FRK: variants seen among roughly 807,000 people sequenced by gnomAD.
FRK encodes the protein tyrosine-protein kinase FRK.
In FRK, 51 loss-of-function variants were observed where a neutral mutation model predicts 56.4. The observed-to-expected ratio is 0.90, with a 90% CI of 0.72 to 1.14. FRK has a LOEUF of 1.14. Among genes scored for constraint, FRK ranks in the 50% most tolerant of loss-of-function variants. The pLI is 0.00. For missense variants in FRK, 570 were observed against 601.4 expected, an observed-to-expected ratio of 0.95 and a Z score of 0.55; for synonymous variants, 245 against 217.9, an observed-to-expected ratio of 1.12 and a Z score of -1.10.
intron 2 of FRK, among the ~76,000 whole-genome samples, chr6:115,982,579 C>A (rs1033711261): frequency 2.0e-5 from 3 of 152,070 alleles, no homozygotes; most frequent in African/African-American, 7.2e-5. Context: ...TTAGTTACAG[C>A]CTGCACTTTG....
intron 4 of FRK, among the ~76,000 whole-genome samples, chr6:115,958,103 T>C (rs1773083316): frequency 6.6e-6 from 1 of 152,180 alleles, no homozygotes; most frequent in African/African-American, 2.4e-5. Context: ...CTCCATCAAT[T>C]CCATCTCTAC....
chr6:116,022,178 A>T (rs1302781628), intron 1 of FRK, among the ~76,000 whole-genome samples: 1 of 152,128 alleles, frequency 6.6e-6, no homozygotes, highest in Admixed American at 6.5e-5. Flanking sequence ...TTCATAATTT[A>T]AAACCTTCGC....
chr6:116,003,862 A>T lies in FRK; in HGVS notation c.466+15T>A. On this transcript the variant is annotated intron_variant, in intron 2 of 7. Coordinates refer to ENST00000606080, the MANE Select transcript of FRK (RefSeq NM_002031.3). ...TCTCAAGCTCATATTGAATGACACA[A>T]AACAATACCCTTACCTGAAAGAGAG... 1 of 1,613,114 alleles carries T rather than the reference A, an allele frequency of 6.2e-7. No individual in the cohort carries two copies. Among genetic ancestry groups the T allele is most frequent in the Non-Finnish European group, 8.5e-7 (1 of 1,179,750 alleles).
chr6:115,995,208 T>C (rs185310946), intron 2 of FRK, among the ~76,000 whole-genome samples: 2 of 152,274 alleles, frequency 1.3e-5, no homozygotes, highest in Non-Finnish European at 2.9e-5. Flanking sequence ...TGATTCTGCA[T>C]CTCTTATGTA....
At chr6:116,074,841 C>T in the FRK span, among the ~76,000 whole-genome samples, 1 of 152,088 alleles carries the variant, frequency 6.6e-6, no homozygotes. Context: ...TGAGGGGCTG[C>T]CCTTAGTTTT....
chr6:116,072,808 C>T, the FRK span, among the ~76,000 whole-genome samples: 3 of 152,032 alleles, frequency 2.0e-5, no homozygotes, highest in African/African-American at 7.2e-5. Flanking sequence ...AACTGATAAC[C>T]TAGATAAGGT....
the FRK span, among the ~76,000 whole-genome samples, chr6:116,094,974 A>G: frequency 1.3e-5 from 2 of 152,280 alleles, no homozygotes; most frequent in Non-Finnish European, 2.9e-5. Context: ...TTTAAAACCT[A>G]TAATTGATAA....
chr6:116,078,996 G>A, the FRK span, among the ~76,000 whole-genome samples: 1 of 152,056 alleles, frequency 6.6e-6, no homozygotes, highest in Non-Finnish European at 1.5e-5. Context: ...GTAACTTTGT[G>A]TGGATATTCT....
At chr6:115,950,475 T>C (rs1009071833) in intron 5 of FRK, among the ~76,000 whole-genome samples, 4 of 152,208 alleles carry the variant, frequency 2.6e-5, no homozygotes, top group South Asian at 2.1e-4. Flanking sequence ...TGAGATAGCA[T>C]GTCATGTCAG....
chr6:116,071,588 G>A, the FRK span, among the ~76,000 whole-genome samples: 508 of 152,236 alleles, frequency 3.3e-3, 2 homozygotes, highest in Non-Finnish European at 4.2e-3. Context: ...CAGCTAGTCT[G>A]TCAGTGCTTT....
intron 2 of FRK, among the ~76,000 whole-genome samples, chr6:115,994,158 T>C (rs1380275380): frequency 2.6e-5 from 4 of 152,082 alleles, no homozygotes; most frequent in African/African-American, 9.7e-5. Flanking sequence ...GACTTTAGTA[T>C]GCTTTGTCAA....
chr6:116,033,233 T>C, intron 1 of FRK, among the ~76,000 whole-genome samples: 1 of 152,110 alleles, frequency 6.6e-6, no homozygotes, highest in East Asian at 1.9e-4. Context: ...TTCAAATATC[T>C]AAGTAAGAAT....
chr6:115,967,835 G>GT (rs1773648409), intron 3 of FRK, 116 bp from the exon 4 acceptor site: 1 of 783,388 alleles, frequency 1.3e-6, no homozygotes. Flanking sequence ...ACAAAATATT[G>GT]TAAACTGTAT....
intron 1 of FRK, chr6:116,039,389 G>A: frequency 7.7e-6 from 12 of 1,557,872 alleles, no homozygotes; most frequent in Non-Finnish European, 1.1e-5. Context: ...TCTGTGATGG[G>A]GGCAACCTGC....
chr6:115,952,885 A>T (rs1342056016), intron 5 of FRK, among the ~76,000 whole-genome samples: 1 of 134,438 alleles, frequency 7.4e-6, no homozygotes, highest in African/African-American at 2.8e-5. Flanking sequence ...GAACACATGG[A>T]CACAAGAAGG....
At chr6:116,034,293 T>C (rs903657904) in intron 1 of FRK, among the ~76,000 whole-genome samples, 1 of 152,174 alleles carries the variant, frequency 6.6e-6, no homozygotes, top group Admixed American at 6.6e-5. Context: ...TTTGAGGTGA[T>C]GGATATCCCA....
chr6:115,988,573 T>C (rs1460640498), intron 2 of FRK, among the ~76,000 whole-genome samples: 1 of 152,006 alleles, frequency 6.6e-6, no homozygotes, highest in Non-Finnish European at 1.5e-5. Flanking sequence ...ATGTTTTGTC[T>C]ACATGATGGC....
chr6:116,046,167 C>A (rs909638062), intron 1 of FRK, among the ~76,000 whole-genome samples: 3 of 151,482 alleles, frequency 2.0e-5, no homozygotes, highest in African/African-American at 7.3e-5. Context: ...AATAGGAATG[C>A]TTTACACCGT....
At position 115,938,954 on chromosome 6, in the gene FRK, G is replaced by T. The variant is rs1488213641; in HGVS notation, c.*3460C>A. 1 of 151,866 alleles carries T rather than the reference G, an allele frequency of 6.6e-6. No homozygotes were observed. The highest frequency in any genetic ancestry group is 1.5e-5 in the Non-Finnish European group (1 of 68,010). 9.4% of individuals were successfully genotyped at this position (151,866 alleles called of 1,614,324 possible). A position where few individuals can be genotyped will look rare whatever the true frequency, so the allele number is the denominator to read the frequency against. On this transcript the variant is annotated 3_prime_UTR_variant, in exon 8 of 8. Coordinates refer to ENST00000606080, the MANE Select transcript of FRK (RefSeq NM_002031.3). ...ACTATTCCAAACAATAGGAAAAGAG[G>T]GACTCCTCCCTAACTCATTTTATGA...
Sources: gnomAD v4.1 joint callset for allele counts (sites outside exome capture counted in the v4.1 genomes callset) on GRCh38, gnomAD v4.1.1 for gene constraint, MANE v1.5 for transcripts, NCBI Gene and HGNC (gene_info 2026-07-23, HGNC 2026-07-21) for gene names.